The following SHISA9 variants were observed in gnomAD, a reference collection of about 807,000 sequenced individuals.
The protein encoded by SHISA9 is protein shisa-9.
In SHISA9, 13 loss-of-function variants were observed where a neutral mutation model predicts 38.0. The ratio of observed to expected loss-of-function variants is 0.34; its 90% confidence interval spans 0.22 to 0.54. The LOEUF (loss-of-function observed/expected upper bound fraction) is 0.54. Among genes scored for constraint, SHISA9 ranks in the 20% least tolerant of loss-of-function variants. SHISA9 has a pLI of 0.91. For synonymous variants in SHISA9, 275 were observed against 242.0 expected, an observed-to-expected ratio of 1.14 and a Z score of -1.27; for missense variants, 538 against 575.8, an observed-to-expected ratio of 0.93 and a Z score of 0.67.
At chr16:13,080,499 T>G (rs1300381951) in intron 2 of SHISA9, among the ~76,000 whole-genome samples, 1 of 152,154 alleles carries the variant, frequency 6.6e-6, no homozygotes, top group Admixed American at 6.5e-5. Flanking sequence ...ATCCTGTGTC[T>G]GCCCCTTCAT....
chr16:12,949,096 C>T (rs1387289414), intron 2 of SHISA9, among the ~76,000 whole-genome samples: 1 of 152,124 alleles, frequency 6.6e-6, no homozygotes, highest in African/African-American at 2.4e-5. Context: ...GATAGGTACT[C>T]AGTAGATATT....
the SHISA9 span, among the ~76,000 whole-genome samples, chr16:13,276,100 A>G: frequency 6.6e-6 from 1 of 151,902 alleles, no homozygotes; most frequent in Non-Finnish European, 1.5e-5. Context: ...CTAAGTCCCC[A>G]AAGTCCATTA....
intron 1 of SHISA9, among the ~76,000 whole-genome samples, chr16:12,913,206 G>A (rs1408700409): frequency 6.6e-6 from 1 of 151,988 alleles, no homozygotes; most frequent in Non-Finnish European, 1.5e-5. Flanking sequence ...TTTTTGGCGG[G>A]GAGGAGGGGG....
chr16:13,461,811 C>T, the SHISA9 span, among the ~76,000 whole-genome samples: 3 of 151,522 alleles, frequency 2.0e-5, no homozygotes, highest in African/African-American at 7.3e-5. Context: ...GACGGGGTTT[C>T]ACCGTGTTAG....
At chr16:13,058,062 T>G (rs1338636897) in intron 2 of SHISA9, among the ~76,000 whole-genome samples, 4 of 152,146 alleles carry the variant, frequency 2.6e-5, no homozygotes, top group Non-Finnish European at 5.9e-5. Context: ...ACCTCAGAAA[T>G]GGATGGAGAG....
At chr16:13,128,232 G>C (rs572204925) in intron 2 of SHISA9, among the ~76,000 whole-genome samples, 9 of 152,190 alleles carry the variant, frequency 5.9e-5, no homozygotes, top group Non-Finnish European at 1.3e-4. Flanking sequence ...GAAAGGAAGG[G>C]AAGAGAAGAC....
At chr16:13,243,848 C>T (rs1380976923), downstream of SHISA9, among the ~76,000 whole-genome samples, 1 of 140,396 alleles carries the variant, frequency 7.1e-6, no homozygotes, top group Non-Finnish European at 1.5e-5. Flanking sequence ...TCTTAGTTCA[C>T]TGCAACCTCT....
chr16:13,291,693 C>G, the SHISA9 span, among the ~76,000 whole-genome samples: 1 of 152,074 alleles, frequency 6.6e-6, no homozygotes, highest in Non-Finnish European at 1.5e-5. Context: ...TGTCTCATGA[C>G]ACCAGAGAAT....
the SHISA9 span, among the ~76,000 whole-genome samples, chr16:13,415,888 G>A: frequency 6.6e-6 from 1 of 151,886 alleles, no homozygotes; most frequent in African/African-American, 2.4e-5. Flanking sequence ...AGTACATACT[G>A]GAAGATTATA....
intron 2 of SHISA9, among the ~76,000 whole-genome samples, chr16:12,927,882 C>A (rs1157456478): frequency 6.6e-6 from 1 of 152,088 alleles, no homozygotes; most frequent in African/African-American, 2.4e-5. Context: ...CTTTAGGTAC[C>A]ATCTTGCCTT....
the SHISA9 span, among the ~76,000 whole-genome samples, chr16:13,360,822 C>T: frequency 1.3e-5 from 2 of 152,144 alleles, no homozygotes; most frequent in Admixed American, 6.5e-5. Flanking sequence ...TTCAGCCTCC[C>T]GGCCTTCTCA....
intron 2 of SHISA9, among the ~76,000 whole-genome samples, chr16:12,918,739 A>G (rs1439044024): frequency 2.0e-5 from 3 of 152,228 alleles, no homozygotes; most frequent in Non-Finnish European, 2.9e-5. Context: ...TGTACTGGGT[A>G]GCACTAGACT....
chr16:13,530,821 C>A, the SHISA9 span, among the ~76,000 whole-genome samples: 6 of 152,238 alleles, frequency 3.9e-5, no homozygotes, highest in East Asian at 1.2e-3. Context: ...TGGAGAAAAT[C>A]CCATTCCCTC....
the SHISA9 span, among the ~76,000 whole-genome samples, chr16:13,432,592 C>CT: frequency 2.6e-5 from 4 of 151,828 alleles, no homozygotes; most frequent in African/African-American, 9.7e-5. Context: ...TTTGTTTTTG[C>CT]TTTTTTTTAT....
the SHISA9 span, among the ~76,000 whole-genome samples, chr16:13,560,135 T>C: frequency 6.6e-6 from 1 of 152,386 alleles, no homozygotes; most frequent in East Asian, 1.9e-4. Context: ...TTTGCAGCTC[T>C]GCTTTTCTGC....
In SHISA9 at chr16:13,163,991, A is replaced by G. The variant is rs539626114; in HGVS notation, c.692-39403A>G. On this transcript the variant is annotated intron_variant, in intron 2 of 4. Coordinates refer to ENST00000558583, the MANE Select transcript of SHISA9 (RefSeq NM_001145204.3). ...TCTTTTCTTTTTCTTGCTGTATTGTACTGGATAGAACCTCTAGTAAAATGT... is the reference window on the plus strand; with the variant it reads ...TCTTTTCTTTTTCTTGCTGTATTGTGCTGGATAGAACCTCTAGTAAAATGT... Among the ~76,000 whole-genome samples, 8 of 152,166 alleles carry G rather than the reference A, an allele frequency of 5.3e-5. No homozygotes were observed. In the South Asian group the frequency reaches 1.5e-3, roughly 28 times the overall value.
intron 2 of SHISA9, among the ~76,000 whole-genome samples, chr16:13,000,913 C>T (rs1057397772): frequency 6.6e-6 from 1 of 152,098 alleles, no homozygotes; most frequent in Admixed American, 6.6e-5. Context: ...CAACTGCCCT[C>T]ATCTTGGGTT....
the SHISA9 span, among the ~76,000 whole-genome samples, chr16:13,482,389 C>A: frequency 1.3e-5 from 2 of 152,214 alleles, no homozygotes; most frequent in Non-Finnish European, 2.9e-5. Flanking sequence ...ATTACCCCAG[C>A]GGTATTCACC....
the SHISA9 span, among the ~76,000 whole-genome samples, chr16:13,287,326 G>A: frequency 1.7e-3 from 253 of 152,278 alleles, 2 homozygotes; most frequent in Non-Finnish European, 1.5e-3. Flanking sequence ...TTCCGTGGCA[G>A]AAAGATAAGT....
Sources: gnomAD v4.1 joint callset for allele counts (sites outside exome capture counted in the v4.1 genomes callset) on GRCh38, gnomAD v4.1.1 for gene constraint, MANE v1.5 for transcripts, NCBI Gene and HGNC (gene_info 2026-07-23, HGNC 2026-07-21) for gene names.